Variants in GRAP2 observed in about 807,000 individuals in gnomAD.
The protein encoded by GRAP2 is GRB2-related adapter protein 2.
In GRAP2, 31 loss-of-function variants were observed where a neutral mutation model predicts 43.5. The ratio of observed to expected loss-of-function variants is 0.71; its 90% confidence interval spans 0.54 to 0.96. The LOEUF is 0.96. Ranked by LOEUF, GRAP2 falls within the 40% of genes least tolerant of loss-of-function variation. The pLI, the probability that GRAP2 is intolerant of heterozygous loss-of-function variation, is 0.00. For synonymous variants in GRAP2, 156 were observed against 164.8 expected (o/e 0.95, Z 0.41); for missense variants, 371 against 424.4 (o/e 0.87, Z 1.11).
intron 3 of GRAP2, among the ~76,000 whole-genome samples, chr22:39,956,756 A>G (rs2067057583): frequency 6.6e-6 from 1 of 152,220 alleles, no homozygotes. Flanking sequence ...GGTGTGAGCC[A>G]CTGCACCCGG....
chr22:39,924,147 T>G (rs1436982373), intron 1 of GRAP2, among the ~76,000 whole-genome samples: 2 of 152,348 alleles, frequency 1.3e-5, no homozygotes, highest in South Asian at 4.1e-4. Context: ...CCTGGTGGAT[T>G]GCACATATGC....
chr22:39,934,748 G>A (rs1452530309), intron 1 of GRAP2, among the ~76,000 whole-genome samples: 4 of 152,052 alleles, frequency 2.6e-5, no homozygotes, highest in African/African-American at 7.3e-5. Context: ...GCACACGATT[G>A]TAGCCCCAGC....
intron 1 of GRAP2, among the ~76,000 whole-genome samples, chr22:39,903,150 T>C (rs933624291): frequency 2.0e-5 from 3 of 152,252 alleles, no homozygotes; most frequent in Non-Finnish European, 4.4e-5. Flanking sequence ...TGTCAGTAAG[T>C]GTGATTCCAT....
rs370309039 is a variant in GRAP2, at chr22:39,955,186, G to A, written c.79-633G>A. 1.6e-4 allele frequency among the ~76,000 whole-genome samples: 24 copies of A among 152,148 alleles called. 1 individual carries two copies. Among genetic ancestry groups the A allele is most frequent in the African/African-American group, 3.4e-4 (14 of 41,518 alleles). The stretch of plus-strand genomic sequence containing the variant: ...GTCCCGGCCAATATGGTAAAACCCC[G>A]TCTCTCCTAAAAATATGAAAAATTA... On this transcript the variant is annotated intron_variant, in intron 2 of 7. Transcript: ENST00000344138.
upstream of GRAP2, among the ~76,000 whole-genome samples, chr22:39,898,213 C>G (rs1203801587): frequency 6.6e-6 from 1 of 152,192 alleles, no homozygotes; most frequent in African/African-American, 2.4e-5. Flanking sequence ...GATTTCCCAA[C>G]GTAAAATCGC....
intron 3 of GRAP2, among the ~76,000 whole-genome samples, chr22:39,957,296 T>C (rs1406568086): frequency 6.6e-6 from 1 of 152,112 alleles, no homozygotes; most frequent in Non-Finnish European, 1.5e-5. Context: ...ATCTGCTAGG[T>C]GACCTCTGCA....
chr22:39,903,102 T>C (rs1413487392), intron 1 of GRAP2, among the ~76,000 whole-genome samples: 4 of 152,218 alleles, frequency 2.6e-5, no homozygotes. Context: ...TTGCCCTTTT[T>C]TCCTGGGTCA....
chr22:39,946,938 C>T (rs940977306), intron 1 of GRAP2, 155 bp from the exon 2 acceptor site: 6 of 595,870 alleles, frequency 1.0e-5, no homozygotes, highest in Admixed American at 5.6e-5. Context: ...TTCCTGCAAA[C>T]ACAAGCCCTT....
intron 1 of GRAP2, among the ~76,000 whole-genome samples, chr22:39,917,818 G>A (rs982437633): frequency 6.6e-6 from 1 of 152,144 alleles, no homozygotes; most frequent in Admixed American, 6.5e-5. Context: ...TGGTGATTTC[G>A]TAGGCCCTTT....
chr22:39,912,531 A>C (rs1295124901), intron 1 of GRAP2, among the ~76,000 whole-genome samples: 1 of 152,172 alleles, frequency 6.6e-6, no homozygotes, highest in African/African-American at 2.4e-5. Flanking sequence ...CACAGTTTGC[A>C]GGGAGAGGTC....
At chr22:39,910,334 C>T (rs1009044032) in intron 1 of GRAP2, among the ~76,000 whole-genome samples, 1 of 152,150 alleles carries the variant, frequency 6.6e-6, no homozygotes. Context: ...TGACTCATAT[C>T]GAAATTGTGG....
intron 1 of GRAP2, among the ~76,000 whole-genome samples, chr22:39,917,868 A>G (rs1054986433): frequency 6.6e-6 from 1 of 152,190 alleles, no homozygotes; most frequent in Admixed American, 6.5e-5. Context: ...TCCAAACAGA[A>G]AGGAGATTGT....
chr22:39,901,695 G>A (rs2066493971), intron 1 of GRAP2, among the ~76,000 whole-genome samples: 1 of 152,172 alleles, frequency 6.6e-6, no homozygotes, highest in African/African-American at 2.4e-5. Context: ...GGAGGGGGTG[G>A]TAGAGGGCTG....
At chr22:39,904,787 T>C (rs2066512877) in intron 1 of GRAP2, among the ~76,000 whole-genome samples, 2 of 152,152 alleles carry the variant, frequency 1.3e-5, no homozygotes, top group South Asian at 4.1e-4. Context: ...TATTTTGCAG[T>C]TGGGTCTCAT....
intron 1 of GRAP2, among the ~76,000 whole-genome samples, chr22:39,942,362 G>A (rs1322294877): frequency 6.6e-6 from 1 of 152,200 alleles, no homozygotes; most frequent in Non-Finnish European, 1.5e-5. Context: ...ATTGTGTGAT[G>A]TTGAGTAGCT....
intron 4 of GRAP2, among the ~76,000 whole-genome samples, chr22:39,963,411 C>A (rs1162182187): frequency 1.3e-5 from 2 of 152,166 alleles, no homozygotes; most frequent in Non-Finnish European, 2.9e-5. Flanking sequence ...ACTCTGAGTT[C>A]TTTGAGGTGG....
chr22:39,932,277 A>C (rs187821313), intron 1 of GRAP2, among the ~76,000 whole-genome samples: 1 of 152,332 alleles, frequency 6.6e-6, no homozygotes, highest in East Asian at 1.9e-4. Context: ...TTGGTTGCTT[A>C]TCTGAAAATT....
intron 2 of GRAP2, among the ~76,000 whole-genome samples, chr22:39,955,187 T>C (rs958705826): frequency 1.5e-4 from 23 of 152,186 alleles, no homozygotes; most frequent in African/African-American, 5.5e-4. Context: ...TAAAACCCCG[T>C]CTCTCCTAAA....
chr22:39,964,642 A>G (rs1200371532), intron 4 of GRAP2: 2 of 622,324 alleles, frequency 3.2e-6, no homozygotes, highest in East Asian at 2.7e-5. Flanking sequence ...TCCCTCCTAT[A>G]ATATCTTTTG....
Sources: allele counts gnomAD v4.1 joint callset (sites outside exome capture counted in the v4.1 genomes callset), GRCh38; gene constraint gnomAD v4.1.1; transcripts MANE v1.5; gene names NCBI Gene and HGNC (gene_info 2026-07-23, HGNC 2026-07-21).